TAPT1: variants seen among roughly 807,000 people sequenced by gnomAD.
TAPT1 encodes the protein transmembrane anterior posterior transformation protein 1 homolog.
TAPT1 carries 28 observed loss-of-function variants against 65.6 expected under a neutral mutation model. The observed-to-expected ratio is 0.43, with a 90% CI of 0.32 to 0.59. The LOEUF is 0.59. Among genes scored for constraint, TAPT1 ranks in the 20% least tolerant of loss-of-function variants. TAPT1 has a pLI of 0.09. For missense variants in TAPT1, 563 were observed against 679.9 expected (o/e 0.83, Z 1.91); for synonymous variants, 278 against 245.2 (o/e 1.13, Z -1.25).
chr4:16,186,759 G>T (rs77219469), intron 6 of TAPT1, 22 bp downstream of exon 6: 1 of 1,541,776 alleles, frequency 6.5e-7, no homozygotes, highest in South Asian at 1.1e-5. Flanking sequence ...CTTCAAAAAT[G>T]TAAGATAAAT....
chr4:16,214,993 T>C (rs35851218), intron 1 of TAPT1, among the ~76,000 whole-genome samples: 26,579 of 152,034 alleles, frequency 0.17, 2,843 homozygotes, highest in East Asian at 0.3. Context: ...GAAGCGTTTA[T>C]AGTAAAAAAT....
At chr4:16,214,855 A>G (rs1020451130) in intron 1 of TAPT1, among the ~76,000 whole-genome samples, 1 of 152,130 alleles carries the variant, frequency 6.6e-6, no homozygotes, top group Non-Finnish European at 1.5e-5. Context: ...GGTCCTTTCT[A>G]CCAAATGTGG....
At chr4:16,169,111 T>C (rs1712492) in intron 12 of TAPT1, among the ~76,000 whole-genome samples, 113,852 of 152,136 alleles carry the variant, frequency 0.75, 42,770 homozygotes, top group Middle Eastern at 0.87. Context: ...TTAGGAATCA[T>C]CCTGAGATGA....
At chr4:16,226,164 G>A in intron 1 of TAPT1, 95 bp downstream of exon 1, 9 of 1,041,400 alleles carry the variant, frequency 8.6e-6, no homozygotes, top group Non-Finnish European at 1.0e-5. Context: ...CGGCAGCCGC[G>A]CGGCTCGGGG....
intron 2 of TAPT1, among the ~76,000 whole-genome samples, chr4:16,205,887 T>C (rs138987974): frequency 5.2e-4 from 79 of 152,340 alleles, no homozygotes; most frequent in African/African-American, 1.8e-3. Context: ...TTTGACTGTT[T>C]TCACTTATAG....
At chr4:16,209,700 A>C (rs187237631) in intron 2 of TAPT1, among the ~76,000 whole-genome samples, 2 of 152,306 alleles carry the variant, frequency 1.3e-5, no homozygotes, top group East Asian at 3.9e-4. Context: ...ATCTGTCTGG[A>C]AGTCAATGAA....
At chr4:16,204,132 T>C (rs998365719) in intron 2 of TAPT1, among the ~76,000 whole-genome samples, 10 of 152,198 alleles carry the variant, frequency 6.6e-5, no homozygotes, top group Non-Finnish European at 1.5e-4. Flanking sequence ...AGCCTTTCCG[T>C]CCTTGCGAGT....
intron 13 of TAPT1, among the ~76,000 whole-genome samples, chr4:16,165,471 G>A (rs765494274): frequency 5.3e-5 from 8 of 151,492 alleles, no homozygotes; most frequent in Non-Finnish European, 1.0e-4. Context: ...TCGAGAGGCC[G>A]AGGCAGGAGA....
intron 3 of TAPT1, among the ~76,000 whole-genome samples, chr4:16,200,474 G>C (rs529277801): frequency 1.3e-5 from 2 of 152,068 alleles, no homozygotes; most frequent in South Asian, 2.1e-4. Context: ...ACAGACATGT[G>C]CCACCATGTC....
At chr4:16,226,098 C>T (rs1320606160) in intron 1 of TAPT1, 161 bp downstream of exon 1, 1 of 1,025,248 alleles carries the variant, frequency 9.8e-7, no homozygotes, top group Non-Finnish European at 1.2e-6. Flanking sequence ...GGCCGCGGAG[C>T]CTCGGCAGCC....
chr4:16,181,780 C>G (rs1180814203), intron 7 of TAPT1, among the ~76,000 whole-genome samples: 2 of 152,196 alleles, frequency 1.3e-5, no homozygotes, highest in African/African-American at 4.8e-5. Flanking sequence ...GTTGGCCAAG[C>G]TGGTCTCCAA....
chr4:16,174,484 T>C (rs1748202305), intron 10 of TAPT1, 186 bp downstream of exon 10: 5 of 669,320 alleles, frequency 7.5e-6, no homozygotes, highest in Non-Finnish European at 1.3e-5. Context: ...GAGCATATAC[T>C]ACTTAATGTT....
At chr4:16,225,846 G>A in intron 1 of TAPT1, 1 of 982,770 alleles carries the variant, frequency 1.0e-6, no homozygotes, top group Non-Finnish European at 1.2e-6. Context: ...GCTCAAGTTT[G>A]CTTAAAATAC....
chr4:16,161,642 C>G lies in TAPT1; in HGVS notation c.*1666G>C, dbSNP rs317854. On this transcript the variant is annotated 3_prime_UTR_variant, in exon 14 of 14. Transcript: ENST00000405303. The stretch of plus-strand genomic sequence containing the variant: ...TAAAACACACACAAAGCAATTAAAA[C>G]CTTTTTCATTTTTAACTTAAAATAC... 71,991 of 152,280 alleles carry G rather than the reference C, an allele frequency of 0.47. 18,287 individuals carry two copies. Among genetic ancestry groups the G allele is most frequent in the African/African-American group, 0.66 (27,557 of 41,500 alleles). 9.4% of individuals were successfully genotyped at this position (152,280 alleles called of 1,614,324 possible). A position where few individuals can be genotyped will look rare whatever the true frequency, so the allele number is the denominator to read the frequency against.
At chr4:16,170,621 A>G (rs1747932618) in intron 12 of TAPT1, 32 bp downstream of exon 12, 1 of 1,535,194 alleles carries the variant, frequency 6.5e-7, no homozygotes, top group South Asian at 1.1e-5. Context: ...GCTTTACTGT[A>G]TAGCCAAAAA....
At position 16,179,828 on chromosome 4, in the gene TAPT1, A is replaced by G. The variant is rs1712479; in HGVS notation, c.917-171T>C. Reference sequence around the variant, plus strand: ...TGTGTGTGTGTGTGTGTGTGTGTGTATATATAGGCTGGTGCTACCATGGTA... The same window carrying G: ...TGTGTGTGTGTGTGTGTGTGTGTGTGTATATAGGCTGGTGCTACCATGGTA... On this transcript the variant is annotated intron_variant, in intron 7 of 13. Transcript: ENST00000405303. Among the ~76,000 whole-genome samples the G allele has an allele frequency of 0.057, 8,489 of 148,254 alleles. 243 individuals are homozygous for G. The highest frequency in any genetic ancestry group is 0.16 in the Middle Eastern group (46 of 292).
chr4:16,221,000 C>T (rs930930990), intron 1 of TAPT1, among the ~76,000 whole-genome samples: 1 of 151,978 alleles, frequency 6.6e-6, no homozygotes, highest in Non-Finnish European at 1.5e-5. Context: ...TCTCCAAGTG[C>T]TACGATTATA....
chr4:16,196,745 AAG>A (rs1313260557), intron 3 of TAPT1: 1 of 1,247,202 alleles, frequency 8.0e-7, no homozygotes, highest in South Asian at 1.2e-5. Flanking sequence ...GAGAGAAAGA[AAG>A]AGAGAAGATT....
intron 12 of TAPT1, 112 bp from the exon 13 acceptor site, chr4:16,166,905 A>AT: frequency 9.8e-7 from 1 of 1,023,326 alleles, no homozygotes; most frequent in Non-Finnish European, 1.4e-6. Context: ...ACGGTGACAG[A>AT]TTAGGGATTT....
Sources: gnomAD v4.1 joint callset for allele counts (sites outside exome capture counted in the v4.1 genomes callset) on GRCh38, gnomAD v4.1.1 for gene constraint, MANE v1.5 for transcripts, NCBI Gene and HGNC (gene_info 2026-07-23, HGNC 2026-07-21) for gene names.